The following TFEC variants were observed in gnomAD, a reference collection of about 807,000 sequenced individuals.
TFEC encodes the protein class E basic helix-loop-helix protein 34.
In TFEC, 31 loss-of-function variants were observed where a neutral mutation model predicts 41.6. The observed-to-expected ratio is 0.74, with a 90% CI of 0.56 to 1.01. The LOEUF (loss-of-function observed/expected upper bound fraction) is 1.01, where lower values mean the gene tolerates loss of function less well. Ranked by LOEUF, TFEC falls within the 50% of genes least tolerant of loss-of-function variation. The pLI is 0.00. For synonymous variants in TFEC, 143 were observed against 140.6 expected, an observed-to-expected ratio of 1.02 and a Z score of -0.12; for missense variants, 402 against 404.1, an observed-to-expected ratio of 0.99 and a Z score of 0.04.
chr7:116,147,349 G>A (rs1445401961), intron 1 of TFEC, among the ~76,000 whole-genome samples: 5 of 152,080 alleles, frequency 3.3e-5, no homozygotes, highest in Non-Finnish European at 7.4e-5. Context: ...CATCCAAAAG[G>A]AAAAGACAGA....
chr7:115,993,578 G>T (rs7794441), intron 1 of TFEC, among the ~76,000 whole-genome samples: 68,455 of 151,880 alleles, frequency 0.45, 15,623 homozygotes, highest in Non-Finnish European at 0.49. Context: ...CAAACAGAGA[G>T]CCAAACCATG....
chr7:115,943,858 A>G (rs1166286176), intron 6 of TFEC, among the ~76,000 whole-genome samples: 1 of 151,396 alleles, frequency 6.6e-6, no homozygotes, highest in Admixed American at 6.6e-5. Flanking sequence ...GATAATACAA[A>G]TGTATAAATT....
At chr7:116,060,228 C>A (rs1222857587) in intron 3 of TFEC, among the ~76,000 whole-genome samples, 6 of 151,972 alleles carry the variant, frequency 3.9e-5, no homozygotes, top group African/African-American at 9.7e-5. Flanking sequence ...AACATGCTGG[C>A]AAGGTTGCAA....
chr7:116,061,346 G>A (rs1485690368), intron 3 of TFEC, among the ~76,000 whole-genome samples: 2 of 152,078 alleles, frequency 1.3e-5, no homozygotes, highest in African/African-American at 2.4e-5. Flanking sequence ...AGGTGTAAGG[G>A]CAATTCAGCA....
At chr7:116,080,172 A>C (rs1335727801) in intron 3 of TFEC, among the ~76,000 whole-genome samples, 1 of 152,186 alleles carries the variant, frequency 6.6e-6, no homozygotes, top group Non-Finnish European at 1.5e-5. Flanking sequence ...ATTATAAAAA[A>C]ATTAACTCAA....
At chr7:115,958,746 T>C (rs1201837440) in intron 3 of TFEC, among the ~76,000 whole-genome samples, 1 of 151,906 alleles carries the variant, frequency 6.6e-6, no homozygotes, top group East Asian at 1.9e-4. Context: ...TCTTCTGATC[T>C]TGGTTATTGT....
At chr7:115,943,756 T>C (rs1201173044) in intron 6 of TFEC, among the ~76,000 whole-genome samples, 4 of 151,606 alleles carry the variant, frequency 2.6e-5, no homozygotes, top group African/African-American at 9.7e-5. Context: ...ATGTTGATAG[T>C]TGATGCTGGC....
rs1793302514 is a variant in TFEC, at chr7:115,937,777, TGATTCA to T, written c.*2768_*2773del. On this transcript the variant is annotated 3_prime_UTR_variant, in exon 8 of 8. Coordinates refer to ENST00000265440, the MANE Select transcript of TFEC (RefSeq NM_012252.4). ...ACATTAACCGCACACCTAAGAGACCTGATTCAGGAATTTTTCACTTGGGATCCAAGA... is the reference window on the plus strand; with the variant it reads ...ACATTAACCGCACACCTAAGAGACCTGGAATTTTTCACTTGGGATCCAAGA... 6.6e-6 allele frequency: 1 copy of T among 151,738 alleles called. No individual in the cohort carries two copies. The highest frequency in any genetic ancestry group is 2.4e-5 in the African/African-American group (1 of 41,394). The allele number at this position is 151,738 out of a possible 1,614,324, so 9.4% of individuals were successfully genotyped here.
chr7:116,031,551 AAC>A (rs1039914476), upstream of TFEC, among the ~76,000 whole-genome samples: 33 of 152,276 alleles, frequency 2.2e-4, no homozygotes, highest in African/African-American at 7.7e-4. Flanking sequence ...TCATTCTTGT[AAC>A]AGTTACATGA....
Position 116,010,216 on chromosome 7 carries a change from G to A in TFEC, c.-73+20417C>T, listed in dbSNP as rs1423018468. Among the ~76,000 whole-genome samples, 4 of 152,260 alleles carry A rather than the reference G, an allele frequency of 2.6e-5. No individual in the cohort carries two copies. The East Asian group carries it at 7.7e-4, about 29-fold the overall frequency. ...TGCAATCCTTTAGCTATATAAAGGTGTCTTATTTTCTTTAATAAAGGGAGG... is the reference window on the plus strand; with the variant it reads ...TGCAATCCTTTAGCTATATAAAGGTATCTTATTTTCTTTAATAAAGGGAGG... On this transcript the variant is annotated intron_variant, in intron 1 of 7. Transcript: ENST00000265440.
At chr7:116,125,818 G>GCC (rs1798197753) in intron 1 of TFEC, among the ~76,000 whole-genome samples, 1 of 152,194 alleles carries the variant, frequency 6.6e-6, no homozygotes, top group African/African-American at 2.4e-5. Context: ...AGCTTGAAGT[G>GCC]CCTTTCAGAA....
chr7:115,961,039 C>G lies in TFEC; in HGVS notation c.268-4246G>C, dbSNP rs557747471. Among the ~76,000 whole-genome samples, 4 of 151,616 alleles carry G rather than the reference C, an allele frequency of 2.6e-5. No individual in the cohort carries two copies. The South Asian group carries it at 8.3e-4, about 31-fold the overall frequency. On this transcript the variant is annotated intron_variant, in intron 3 of 7. Coordinates refer to ENST00000265440, the MANE Select transcript of TFEC (RefSeq NM_012252.4). ...AACTACAAGGGGAAATGAATAAATA[C>G]ACCAAAAATAGTGGAAGACTTTAAC...
At chr7:116,118,097 G>T (rs542516856) in intron 1 of TFEC, among the ~76,000 whole-genome samples, 1 of 151,814 alleles carries the variant, frequency 6.6e-6, no homozygotes, top group South Asian at 2.1e-4. Context: ...TTCTCTTAGA[G>T]TTGACCTTTA....
At chr7:115,946,233 T>C (rs1791538308) in intron 6 of TFEC, among the ~76,000 whole-genome samples, 1 of 150,594 alleles carries the variant, frequency 6.6e-6, no homozygotes, top group South Asian at 2.2e-4. Flanking sequence ...TGGAGTAGAG[T>C]CTAAATTAGG....
chr7:115,978,499 G>A (rs1226625342), intron 2 of TFEC, among the ~76,000 whole-genome samples: 4 of 152,058 alleles, frequency 2.6e-5, no homozygotes, highest in Non-Finnish European at 5.9e-5. Flanking sequence ...TCTGAACACT[G>A]GCAGATCACC....
chr7:116,036,692 T>C (rs771118056), intron 3 of TFEC, among the ~76,000 whole-genome samples: 34 of 152,038 alleles, frequency 2.2e-4, no homozygotes, highest in Non-Finnish European at 8.8e-5. Context: ...GCCTTTACCC[T>C]CAAGGAGTTT....
In TFEC at chr7:115,937,387, A is replaced by C. The variant is rs1209840824; in HGVS notation, c.*3164T>G. ...CTATTATGAAAAATCTCATTTCTGC[A>C]AGAAATATTCTAGAGAGTCAAATTT... On this transcript the variant is annotated 3_prime_UTR_variant, in exon 8 of 8. Transcript: ENST00000265440. 1 of 151,730 alleles carries C rather than the reference A, an allele frequency of 6.6e-6. No individual in the cohort carries two copies. The allele number at this position is 151,730 out of a possible 1,614,324, so 9.4% of individuals were successfully genotyped here. A position where few individuals can be genotyped will look rare whatever the true frequency, so the allele number is the denominator to read the frequency against.
At chr7:115,998,494 G>A (rs1794456677) in intron 1 of TFEC, among the ~76,000 whole-genome samples, 1 of 151,682 alleles carries the variant, frequency 6.6e-6, no homozygotes, top group Non-Finnish European at 1.5e-5. Context: ...AACATTGAAT[G>A]TAAATGGACT....
chr7:115,988,846 G>C lies in TFEC; in HGVS notation c.-72-4333C>G, dbSNP rs367842450. 6.6e-5 allele frequency among the ~76,000 whole-genome samples: 10 copies of C among 151,680 alleles called. No homozygotes were observed. In the East Asian group the frequency reaches 1.9e-3, roughly 29 times the overall value. On this transcript the variant is annotated intron_variant, in intron 1 of 7. Transcript: ENST00000265440. ...ATCAAAGATAAAGAAAAAAACTCTG[G>C]AAAAAAAATCTAGAAGAAAAAGCAC...
Sources: gnomAD v4.1 joint callset for allele counts (sites outside exome capture counted in the v4.1 genomes callset) on GRCh38, gnomAD v4.1.1 for gene constraint, MANE v1.5 for transcripts, NCBI Gene and HGNC (gene_info 2026-07-23, HGNC 2026-07-21) for gene names.